NFYC: variants seen among roughly 807,000 people sequenced by gnomAD.
NFYC encodes nuclear transcription factor Y subunit gamma, also known as CAAT box DNA-binding protein subunit C.
NFYC carries 25 observed loss-of-function variants against 53.1 expected under a neutral mutation model. That is an observed-to-expected ratio of 0.47 (90% CI 0.34 to 0.66). The LOEUF is 0.66. Ranked by LOEUF, NFYC falls within the 30% of genes least tolerant of loss-of-function variation. NFYC has a pLI of 0.01. For missense variants in NFYC, 260 were observed against 422.7 expected (o/e 0.62, Z 3.38); for synonymous variants, 145 against 152.6 (o/e 0.95, Z 0.37).
intron 1 of NFYC, among the ~76,000 whole-genome samples, chr1:40,702,922 T>C (rs1210047312): frequency 6.6e-6 from 1 of 152,104 alleles, no homozygotes; most frequent in Non-Finnish European, 1.5e-5. Context: ...GTTCAAGCGA[T>C]TCTGCTGCCC....
intron 1 of NFYC, among the ~76,000 whole-genome samples, chr1:40,722,708 A>T (rs1004733812): frequency 6.6e-6 from 1 of 152,232 alleles, no homozygotes; most frequent in Admixed American, 6.5e-5. Flanking sequence ...AGATGAATAG[A>T]GAAGTTTCTA....
rs559105170 is a variant in NFYC at position 40,708,313 on chromosome 1, C to A, written c.-9+16446C>A. Among the ~76,000 whole-genome samples the A allele has an allele frequency of 2.6e-5, 4 of 152,258 alleles. No individual in the cohort carries two copies. In the South Asian group the frequency reaches 8.3e-4, roughly 32 times the overall value. Reference sequence around the variant, plus strand: ...TGCAGCCTAGCAACATAGTGAGACACCATCTCTTAAAAACAAGTATACATG... The same window carrying A: ...TGCAGCCTAGCAACATAGTGAGACAACATCTCTTAAAAACAAGTATACATG... On this transcript the variant is annotated intron_variant, in intron 1 of 9. Transcript: ENST00000447388.
intron 8 of NFYC, 156 bp downstream of exon 8, chr1:40,766,859 A>T (rs1234243235): frequency 6.6e-7 from 1 of 1,513,272 alleles, no homozygotes; most frequent in African/African-American, 1.4e-5. Flanking sequence ...CCCAAGAGGC[A>T]TGGGTGGTAA....
intron 8 of NFYC, 73 bp from the exon 9 acceptor site, chr1:40,769,283 C>T (rs2148815947): frequency 6.8e-7 from 1 of 1,468,546 alleles, no homozygotes; most frequent in Non-Finnish European, 9.5e-7. Context: ...CTTTATGACC[C>T]TCTTTTGGGT....
chr1:40,715,821 A>AG (rs1644115222), intron 1 of NFYC, among the ~76,000 whole-genome samples: 2 of 152,238 alleles, frequency 1.3e-5, no homozygotes. Context: ...AGAAAAAAAA[A>AG]CATAGTAAAT....
intron 2 of NFYC, among the ~76,000 whole-genome samples, chr1:40,741,290 A>G (rs1366114398): frequency 2.6e-5 from 4 of 152,208 alleles, no homozygotes; most frequent in Middle Eastern, 3.2e-3. Flanking sequence ...CTAGTATTCA[A>G]TAAATTATGA....
chr1:40,733,887 G>A lies in NFYC; in HGVS notation c.-8-4949G>A, dbSNP rs112013132. ...GCCTCCCAAGTAGCTGGGATTATAA[G>A]CATGTGCCACCATGCTCGGCTAATG... On this transcript the variant is annotated intron_variant, in intron 1 of 9. Transcript: ENST00000447388. Among the ~76,000 whole-genome samples the A allele has an allele frequency of 6.6e-5, 10 of 152,166 alleles. 1 individual carries two copies. The highest frequency in any genetic ancestry group is 2.4e-4 in the African/African-American group (10 of 41,508).
Position 40,749,511 on chromosome 1 carries a change from A to G in NFYC, c.178-62A>G, listed in dbSNP as rs111685165. On this transcript the variant is annotated intron_variant, in intron 3 of 9. Coordinates refer to ENST00000447388, the MANE Select transcript of NFYC (RefSeq NM_014223.5). The stretch of plus-strand genomic sequence containing the variant: ...TAGTCCCATGCCAGGCAATGAGGCA[A>G]GAGACAGACTGGTTTGCATGACTTG... 337 of 1,327,910 alleles carry G rather than the reference A, an allele frequency of 2.5e-4. No individual in the cohort carries two copies. In the African/African-American group the frequency reaches 4.4e-3, roughly 17 times the overall value. 82.3% of individuals were successfully genotyped at this position (1,327,910 alleles called of 1,614,324 possible).
intron 1 of NFYC, among the ~76,000 whole-genome samples, chr1:40,737,110 A>G (rs1254867952): frequency 1.4e-5 from 2 of 142,844 alleles, no homozygotes; most frequent in African/African-American, 5.2e-5. Flanking sequence ...CTGGGCAACA[A>G]GAGCGAAACT....
chr1:40,711,960 A>C (rs1643941496), intron 1 of NFYC, among the ~76,000 whole-genome samples: 1 of 152,232 alleles, frequency 6.6e-6, no homozygotes. Context: ...TCAGCTATTT[A>C]GTGTTAGCTT....
chr1:40,771,570 CTGCATGAAA>C lies in NFYC; in HGVS notation c.*747_*755del. 2.8e-6 allele frequency: 1 copy of C among 359,536 alleles called. No homozygotes were observed. The highest frequency in any genetic ancestry group is 2.1e-5 in the South Asian group (1 of 47,054). The allele number at this position is 359,536 out of a possible 1,614,324, so 22.3% of individuals were successfully genotyped here. The stretch of plus-strand genomic sequence containing the variant: ...TAGTCTCCTTTGCATGGACTTCAAG[CTGCATGAAA>C]TGCAATAAATCTCATTTTAGATAAT... On this transcript the variant is annotated 3_prime_UTR_variant, in exon 10 of 10. Coordinates refer to ENST00000447388, the MANE Select transcript of NFYC (RefSeq NM_014223.5).
rs542714370 is a variant in NFYC, at chr1:40,706,410, G to A, written c.-9+14543G>A. ...AGTGGAATGTAGAGAAGTTAATATGGCAGAGTGATAGGGCAGACCACCTTG... is the reference window on the plus strand; with the variant it reads ...AGTGGAATGTAGAGAAGTTAATATGACAGAGTGATAGGGCAGACCACCTTG... On this transcript the variant is annotated intron_variant, in intron 1 of 9. Transcript: ENST00000447388. 4.3e-4 allele frequency among the ~76,000 whole-genome samples: 65 copies of A among 152,204 alleles called. No individual in the cohort carries two copies. The South Asian group carries it at 5.0e-3, about 12-fold the overall frequency.
intron 6 of NFYC, among the ~76,000 whole-genome samples, chr1:40,761,019 C>T (rs1191490955): frequency 6.6e-6 from 1 of 152,206 alleles, no homozygotes; most frequent in Non-Finnish European, 1.5e-5. Flanking sequence ...ATTGGCTGAT[C>T]ATCCTAAGAA....
rs1643963362 is a variant in NFYC at position 40,712,522 on chromosome 1, T to G, written c.-9+20655T>G. 2.0e-5 allele frequency: 3 copies of G among 150,248 alleles called. 1 individual carries two copies. In the South Asian group the frequency reaches 6.3e-4, roughly 32 times the overall value. 9.3% of individuals were successfully genotyped at this position (150,248 alleles called of 1,614,324 possible). ...CCAAGCAGAGGTTACATATTTAGTT[T>G]GTATACCAAATATTTATAAAGTAAA... On this transcript the variant is annotated intron_variant, in intron 1 of 9. Transcript: ENST00000447388.
chr1:40,711,733 C>T (rs1324042994), intron 1 of NFYC, among the ~76,000 whole-genome samples: 2 of 152,292 alleles, frequency 1.3e-5, no homozygotes, highest in East Asian at 3.9e-4. Context: ...AACTTTGCTT[C>T]CAGAAAGAGC....
At chr1:40,728,036 CTA>C (rs1644600745) in intron 1 of NFYC, among the ~76,000 whole-genome samples, 1 of 151,936 alleles carries the variant, frequency 6.6e-6, no homozygotes, top group Non-Finnish European at 1.5e-5. Flanking sequence ...GCTTTGGCCT[CTA>C]GAGTAGCTGG....
At chr1:40,738,148 C>T (rs572326142) in intron 1 of NFYC, among the ~76,000 whole-genome samples, 10 of 151,948 alleles carry the variant, frequency 6.6e-5, no homozygotes, top group Admixed American at 3.9e-4. Flanking sequence ...GTGATCCGCC[C>T]GCCTCGGCCT....
chr1:40,724,272 G>A (rs1644428932), intron 1 of NFYC, among the ~76,000 whole-genome samples: 1 of 152,162 alleles, frequency 6.6e-6, no homozygotes, highest in South Asian at 2.1e-4. Flanking sequence ...GGAGGCTGAG[G>A]TGGGAGAATC....
At chr1:40,765,601 G>T in intron 7 of NFYC, among the ~76,000 whole-genome samples, 1 of 152,150 alleles carries the variant, frequency 6.6e-6, no homozygotes, top group East Asian at 1.9e-4. Flanking sequence ...GGCAGGCTGG[G>T]CAGCCAGGGC....
Sources: allele counts gnomAD v4.1 joint callset (sites outside exome capture counted in the v4.1 genomes callset), GRCh38; gene constraint gnomAD v4.1.1; transcripts MANE v1.5; gene names NCBI Gene and HGNC (gene_info 2026-07-23, HGNC 2026-07-21).